The following LEF1 variants were observed in gnomAD, a reference collection of about 807,000 sequenced individuals.
LEF1 encodes the protein lymphoid enhancer-binding factor 1.
A neutral mutation model predicts 51.2 loss-of-function variants in LEF1; 14 were observed. That is an observed-to-expected ratio of 0.27 (90% CI 0.18 to 0.43). The LOEUF is 0.43. Among genes scored for constraint, LEF1 ranks in the 20% least tolerant of loss-of-function variants. LEF1 has a pLI of 1.00. For missense variants in LEF1, 386 were observed against 512.0 expected (o/e 0.75, Z 2.37); for synonymous variants, 185 against 183.2 (o/e 1.01, Z -0.08).
At chr4:108,154,429 G>C (rs1400683779) in intron 3 of LEF1, among the ~76,000 whole-genome samples, 3 of 85,700 alleles carry the variant, frequency 3.5e-5, no homozygotes, top group African/African-American at 4.7e-5. Context: ...ACAGTATGTA[G>C]CACAAGGTAG....
At chr4:108,135,850 C>T (rs889115430) in intron 3 of LEF1, among the ~76,000 whole-genome samples, 11 of 152,174 alleles carry the variant, frequency 7.2e-5, no homozygotes, top group Non-Finnish European at 1.3e-4. Context: ...TCCTCCCACG[C>T]ACCCCATGGG....
intron 3 of LEF1, among the ~76,000 whole-genome samples, chr4:108,141,296 G>A (rs2110372547): frequency 6.6e-6 from 1 of 152,198 alleles, no homozygotes; most frequent in African/African-American, 2.4e-5. Context: ...CTGAAATATG[G>A]TTACATATGC....
At chr4:108,152,872 A>G (rs1744439773) in intron 3 of LEF1, among the ~76,000 whole-genome samples, 1 of 152,178 alleles carries the variant, frequency 6.6e-6, no homozygotes, top group African/African-American at 2.4e-5. Context: ...AAGAGTGTGA[A>G]CACACATCTA....
At chr4:108,131,993 ACGT>A (rs960930536) in intron 3 of LEF1, among the ~76,000 whole-genome samples, 8 of 152,140 alleles carry the variant, frequency 5.3e-5, no homozygotes, top group Non-Finnish European at 1.2e-4. Context: ...TTCAAGGTAA[ACGT>A]TTTTATTGAC....
intron 3 of LEF1, among the ~76,000 whole-genome samples, chr4:108,126,728 C>A (rs914127481): frequency 6.6e-6 from 1 of 150,424 alleles, no homozygotes; most frequent in Non-Finnish European, 1.5e-5. Flanking sequence ...TTGCTTGAAC[C>A]CGGGAAGCAG....
intron 3 of LEF1, among the ~76,000 whole-genome samples, chr4:108,113,660 G>A (rs1260226969): frequency 6.6e-6 from 1 of 152,178 alleles, no homozygotes; most frequent in Non-Finnish European, 1.5e-5. Context: ...GACCTCCCTG[G>A]CACTCCTTCA....
rs918461254 is a variant in LEF1 at position 108,048,430 on chromosome 4, T to G, written c.*328A>C. ...AGATGCTCTGGGAAGTGCACGCAGA[T>G]ATGAGGGGAGAAAAGCTGCTCAGCT... On this transcript the variant is annotated 3_prime_UTR_variant, in exon 12 of 12. Coordinates refer to ENST00000265165, the MANE Select transcript of LEF1 (RefSeq NM_016269.5). The G allele has an allele frequency of 1.0e-4, 34 of 328,506 alleles. No homozygotes were observed. Among genetic ancestry groups the G allele is most frequent in the African/African-American group, 6.1e-4 (29 of 47,288 alleles). 20.3% of individuals were successfully genotyped at this position (328,506 alleles called of 1,614,324 possible). A position where few individuals can be genotyped will look rare whatever the true frequency, so the allele number is the denominator to read the frequency against.
intron 1 of LEF1, chr4:108,166,526 T>C (rs948498622): frequency 7.6e-7 from 1 of 1,313,084 alleles, no homozygotes; most frequent in Admixed American, 3.6e-5. Context: ...ACCAGTGGAG[T>C]GTCGGGTATC....
chr4:108,130,678 G>A (rs370858304), intron 3 of LEF1, among the ~76,000 whole-genome samples: 58 of 149,394 alleles, frequency 3.9e-4, no homozygotes, highest in African/African-American at 1.3e-3. Flanking sequence ...TGCAGTGAGC[G>A]AAGATCATGC....
rs549890676 is a variant in LEF1, at chr4:108,062,158, G to T, written c.*6+1465C>A. Among the ~76,000 whole-genome samples, 34 of 152,322 alleles carry T rather than the reference G, an allele frequency of 2.2e-4. 1 individual carries two copies. In the South Asian group the frequency reaches 6.4e-3, roughly 29 times the overall value. ...AAAAAGCTGAAGTAGATTGCTCAGGGAATCAACTGATTTAAAATTCAGATC... is the reference window on the plus strand; with the variant it reads ...AAAAAGCTGAAGTAGATTGCTCAGGTAATCAACTGATTTAAAATTCAGATC... On this transcript the variant is annotated intron_variant, in intron 11 of 11. Coordinates refer to ENST00000265165, the MANE Select transcript of LEF1 (RefSeq NM_016269.5).
At chr4:108,132,657 G>T (rs1742968425) in intron 3 of LEF1, among the ~76,000 whole-genome samples, 9 of 37,360 alleles carry the variant, frequency 2.4e-4, no homozygotes, top group Admixed American at 8.7e-4. Context: ...GCGAAAATCT[G>T]CCTTTTTTTT....
intron 3 of LEF1, among the ~76,000 whole-genome samples, chr4:108,128,030 T>C (rs1223089613): frequency 6.6e-6 from 1 of 152,334 alleles, no homozygotes; most frequent in East Asian, 1.9e-4. Context: ...CAAATAATGG[T>C]ATTCACTGCA....
chr4:108,052,292 T>C (rs191695262), intron 11 of LEF1, among the ~76,000 whole-genome samples: 9 of 152,234 alleles, frequency 5.9e-5, no homozygotes, highest in Admixed American at 1.3e-4. Context: ...TTGGTGAGGA[T>C]ACAAAAAAAG....
intron 3 of LEF1, among the ~76,000 whole-genome samples, chr4:108,096,206 G>A (rs999877293): frequency 1.3e-5 from 2 of 152,094 alleles, no homozygotes; most frequent in African/African-American, 4.8e-5. Context: ...GTAAAAGAAA[G>A]GACCACCAGA....
At chr4:108,101,681 C>T (rs1216343656) in intron 3 of LEF1, among the ~76,000 whole-genome samples, 4 of 152,164 alleles carry the variant, frequency 2.6e-5, no homozygotes, top group African/African-American at 9.7e-5. Flanking sequence ...AGTGTGAGCA[C>T]TGGATTCCTG....
chr4:108,122,990 A>G (rs777678967), intron 3 of LEF1, among the ~76,000 whole-genome samples: 10 of 152,214 alleles, frequency 6.6e-5, no homozygotes, highest in Admixed American at 6.5e-5. Context: ...ACTCAACTGC[A>G]TATGTTGACT....
intron 11 of LEF1, among the ~76,000 whole-genome samples, chr4:108,051,317 G>C (rs1348457604): frequency 6.6e-6 from 1 of 152,126 alleles, no homozygotes; most frequent in Non-Finnish European, 1.5e-5. Context: ...GTTTGTCCCT[G>C]GTGGCTCTTT....
At chr4:108,081,276 T>G (rs879793089) in intron 6 of LEF1, among the ~76,000 whole-genome samples, 38 of 152,102 alleles carry the variant, frequency 2.5e-4, no homozygotes, top group Non-Finnish European at 4.0e-4. Flanking sequence ...AAACTCTTCT[T>G]GTAATGTCCG....
At chr4:108,135,341 C>A (rs776718626) in intron 3 of LEF1, among the ~76,000 whole-genome samples, 45 of 152,120 alleles carry the variant, frequency 3.0e-4, no homozygotes, top group Non-Finnish European at 5.6e-4. Flanking sequence ...AGGAGTGGGG[C>A]CACAACAGCA....
Sources: gnomAD v4.1 joint callset for allele counts (sites outside exome capture counted in the v4.1 genomes callset) on GRCh38, gnomAD v4.1.1 for gene constraint, MANE v1.5 for transcripts, NCBI Gene and HGNC (gene_info 2026-07-23, HGNC 2026-07-21) for gene names.